The following FDX1 variants were observed in gnomAD, a reference collection of about 807,000 sequenced individuals.
FDX1 encodes the protein ferredoxin 1.
FDX1 carries 9 observed loss-of-function variants against 14.9 expected under a neutral mutation model. That is an observed-to-expected ratio of 0.60 (90% CI 0.36 to 1.05). The LOEUF is 1.05. FDX1 is among the 50% of genes least tolerant of loss of function. FDX1 has a pLI of 0.01. For synonymous variants in FDX1, 92 were observed against 99.4 expected (o/e 0.93, Z 0.44); for missense variants, 204 against 237.2 (o/e 0.86, Z 0.92).
intron 3 of FDX1, among the ~76,000 whole-genome samples, chr11:110,458,782 A>G (rs954490237): frequency 1.1e-4 from 16 of 151,886 alleles, no homozygotes; most frequent in African/African-American, 3.9e-4. Flanking sequence ...TAATTTTTGT[A>G]TTTTGAGTAG....
chr11:110,431,288 A>G (rs1201296584), intron 1 of FDX1, among the ~76,000 whole-genome samples: 1 of 152,236 alleles, frequency 6.6e-6, no homozygotes, highest in African/African-American at 2.4e-5. Context: ...TTTACACATA[A>G]TTTTTACCAA....
chr11:110,433,970 A>G (rs1946349622), intron 1 of FDX1, among the ~76,000 whole-genome samples: 1 of 152,180 alleles, frequency 6.6e-6, no homozygotes, highest in Admixed American at 6.5e-5. Flanking sequence ...TAGTAATAAG[A>G]ATAACAACTC....
chr11:110,435,539 G>A (rs1439559298), intron 1 of FDX1, among the ~76,000 whole-genome samples: 2 of 152,154 alleles, frequency 1.3e-5, no homozygotes, highest in Non-Finnish European at 2.9e-5. Context: ...TTCCAAATAA[G>A]CTTTGGAAAG....
At position 110,463,957 on chromosome 11, in the gene FDX1, G is replaced by C. The variant is rs1437826202; in HGVS notation, c.*1489G>C. The C allele has an allele frequency of 6.7e-6, 1 of 149,284 alleles. No individual in the cohort carries two copies. The highest frequency in any genetic ancestry group is 6.7e-5 in the Admixed American group (1 of 14,900). The allele number at this position is 149,284 out of a possible 1,614,324, so 9.2% of individuals were successfully genotyped here. A position where few individuals can be genotyped will look rare whatever the true frequency, so the allele number is the denominator to read the frequency against. ...GGACAGGGTCTTACTCTGTCACTCA[G>C]GCCAGAGTACAATAGTATGATCTCG... On this transcript the variant is annotated 3_prime_UTR_variant, in exon 4 of 4. Coordinates refer to ENST00000260270, the MANE Select transcript of FDX1 (RefSeq NM_004109.5).
intron 2 of FDX1, among the ~76,000 whole-genome samples, chr11:110,439,151 C>T (rs1946389454): frequency 6.6e-6 from 1 of 151,904 alleles, no homozygotes; most frequent in South Asian, 2.1e-4. Context: ...AATGATCTGC[C>T]CACCTTGGCC....
At chr11:110,449,902 A>G (rs756888614) in intron 2 of FDX1, among the ~76,000 whole-genome samples, 2 of 152,228 alleles carry the variant, frequency 1.3e-5, no homozygotes, top group Non-Finnish European at 2.9e-5. Flanking sequence ...TACTGGGATT[A>G]CAGGCATGAG....
intron 2 of FDX1, among the ~76,000 whole-genome samples, chr11:110,454,447 A>G (rs1302883724): frequency 6.6e-6 from 1 of 152,214 alleles, no homozygotes; most frequent in East Asian, 1.9e-4. Context: ...TTAATGTATA[A>G]GTAAGGCAAC....
intron 2 of FDX1, among the ~76,000 whole-genome samples, chr11:110,444,745 CACGTAT>C (rs1477951717): frequency 4.2e-5 from 1 of 23,754 alleles, no homozygotes; most frequent in Non-Finnish European, 6.9e-5. Flanking sequence ...TATATATATA[CACGTAT>C]ATATATATAT....
At chr11:110,451,479 C>T (rs1946486266) in intron 2 of FDX1, among the ~76,000 whole-genome samples, 1 of 152,130 alleles carries the variant, frequency 6.6e-6, no homozygotes, top group African/African-American at 2.4e-5. Flanking sequence ...CACTTTTACA[C>T]TGTTGGTGGG....
intron 2 of FDX1, among the ~76,000 whole-genome samples, chr11:110,449,936 A>C (rs954662829): frequency 4.6e-5 from 7 of 152,152 alleles, no homozygotes; most frequent in African/African-American, 1.7e-4. Context: ...CCTGTGCTAG[A>C]GATCTTAAAC....
chr11:110,432,501 T>G, intron 1 of FDX1, among the ~76,000 whole-genome samples: 1 of 152,184 alleles, frequency 6.6e-6, no homozygotes, highest in East Asian at 1.9e-4. Context: ...TTGGAGGTGT[T>G]GGTGTACTCT....
intron 2 of FDX1, 67 bp downstream of exon 2, chr11:110,436,025 T>TG: frequency 9.9e-7 from 1 of 1,015,166 alleles, no homozygotes; most frequent in East Asian, 3.1e-5. Context: ...TATTTTGTGG[T>TG]TTTTTTTTTT....
intron 2 of FDX1, among the ~76,000 whole-genome samples, chr11:110,439,600 A>G (rs1591248147): frequency 2.0e-5 from 3 of 152,154 alleles, no homozygotes; most frequent in East Asian, 3.9e-4. Context: ...TGTTGGATGC[A>G]TAGATTGTGA....
intron 3 of FDX1, among the ~76,000 whole-genome samples, chr11:110,461,821 A>AT (rs999835473): frequency 6.6e-5 from 10 of 152,224 alleles, no homozygotes; most frequent in Non-Finnish European, 1.2e-4. Flanking sequence ...GATTCCATTG[A>AT]TTTTAAGATG....
At chr11:110,448,608 A>G (rs546501992) in intron 2 of FDX1, among the ~76,000 whole-genome samples, 1 of 152,328 alleles carries the variant, frequency 6.6e-6, no homozygotes, top group Non-Finnish European at 1.5e-5. Flanking sequence ...TTTCACAGCT[A>G]CAACTTCTGA....
chr11:110,433,656 T>A (rs1946346316), intron 1 of FDX1, among the ~76,000 whole-genome samples: 1 of 152,238 alleles, frequency 6.6e-6, no homozygotes, highest in Non-Finnish European at 1.5e-5. Context: ...ATGAATAATA[T>A]GTGGGAATAC....
intron 2 of FDX1, among the ~76,000 whole-genome samples, chr11:110,443,266 C>T (rs1946416674): frequency 6.6e-6 from 1 of 150,720 alleles, no homozygotes; most frequent in Admixed American, 6.6e-5. Context: ...TTACCCCTGC[C>T]CTGCCCCGCT....
chr11:110,432,006 A>G (rs891168956), intron 1 of FDX1, among the ~76,000 whole-genome samples: 1 of 152,240 alleles, frequency 6.6e-6, no homozygotes, highest in African/African-American at 2.4e-5. Context: ...TCTCGTAGTT[A>G]CACTAGCCAC....
chr11:110,437,331 A>G (rs1040226198), intron 2 of FDX1, among the ~76,000 whole-genome samples: 9 of 152,212 alleles, frequency 5.9e-5, no homozygotes, highest in Admixed American at 4.6e-4. Flanking sequence ...CTAGTTTTAA[A>G]ATAATTATAA....
Sources: gnomAD v4.1 joint callset for allele counts (sites outside exome capture counted in the v4.1 genomes callset) on GRCh38, gnomAD v4.1.1 for gene constraint, MANE v1.5 for transcripts, NCBI Gene and HGNC (gene_info 2026-07-23, HGNC 2026-07-21) for gene names.